Variants in WDFY2 observed in about 807,000 individuals in gnomAD.
WDFY2 encodes WD repeat and FYVE domain containing 2.
WDFY2 carries 36 observed loss-of-function variants against 56.4 expected under a neutral mutation model. That is an observed-to-expected ratio of 0.64 (90% CI 0.49 to 0.84). The LOEUF (loss-of-function observed/expected upper bound fraction) is 0.84, where lower values mean the gene tolerates loss of function less well. WDFY2 is among the 40% of genes least tolerant of loss of function. The pLI is 0.00. For missense variants in WDFY2, 444 were observed against 512.2 expected (o/e 0.87, Z 1.29); for synonymous variants, 176 against 183.7 (o/e 0.96, Z 0.34).
At chr13:51,610,364 A>C (rs1439074693) in intron 1 of WDFY2, among the ~76,000 whole-genome samples, 1 of 152,178 alleles carries the variant, frequency 6.6e-6, no homozygotes, top group Non-Finnish European at 1.5e-5. Flanking sequence ...GTTTAAAGGA[A>C]TAGTAATGAG....
At chr13:51,595,710 C>T (rs563153259) in intron 1 of WDFY2, among the ~76,000 whole-genome samples, 1 of 152,208 alleles carries the variant, frequency 6.6e-6, no homozygotes, top group African/African-American at 2.4e-5. Flanking sequence ...AAAAAGAAAT[C>T]AAAAGATAGC....
At chr13:51,688,818 T>G (rs1036713236) in intron 3 of WDFY2, among the ~76,000 whole-genome samples, 5 of 152,196 alleles carry the variant, frequency 3.3e-5, no homozygotes, top group Non-Finnish European at 5.9e-5. Flanking sequence ...TTTGAGCTAT[T>G]TTTTCTTTTT....
At chr13:51,749,586 A>G (rs1379784209) in intron 7 of WDFY2, among the ~76,000 whole-genome samples, 1 of 152,180 alleles carries the variant, frequency 6.6e-6, no homozygotes, top group Admixed American at 6.5e-5. Context: ...AAATTTCCAT[A>G]GTGACATAAG....
chr13:51,753,695 C>T (rs1419743183), intron 8 of WDFY2, among the ~76,000 whole-genome samples: 2 of 152,076 alleles, frequency 1.3e-5, no homozygotes, highest in African/African-American at 4.8e-5. Context: ...CTCACAGATA[C>T]CCACTGTGAT....
chr13:51,595,308 C>T (rs1409585622), intron 1 of WDFY2, among the ~76,000 whole-genome samples: 1 of 152,182 alleles, frequency 6.6e-6, no homozygotes, highest in African/African-American at 2.4e-5. Context: ...GAAGCTTAGG[C>T]ATTATAAACT....
At chr13:51,691,047 G>GT (rs1411074638) in intron 3 of WDFY2, among the ~76,000 whole-genome samples, 1 of 152,118 alleles carries the variant, frequency 6.6e-6, no homozygotes, top group Non-Finnish European at 1.5e-5. Context: ...GAGGTTGGTT[G>GT]TTTTTTTGTT....
intron 3 of WDFY2, among the ~76,000 whole-genome samples, chr13:51,686,851 C>T (rs964481702): frequency 6.6e-6 from 1 of 151,714 alleles, no homozygotes; most frequent in Non-Finnish European, 1.5e-5. Flanking sequence ...TAGCAATTAG[C>T]CTCTCTTTTT....
intron 1 of WDFY2, among the ~76,000 whole-genome samples, chr13:51,653,987 A>G (rs956540259): frequency 6.6e-6 from 1 of 152,194 alleles, no homozygotes; most frequent in Admixed American, 6.5e-5. Context: ...TTGTTTGGCT[A>G]TGCCCTGCCC....
At chr13:51,621,976 A>G (rs144775470) in intron 1 of WDFY2, among the ~76,000 whole-genome samples, 102 of 152,188 alleles carry the variant, frequency 6.7e-4, no homozygotes, top group African/African-American at 1.6e-3. Flanking sequence ...TTTTTGCTCA[A>G]TGTAGCTTGA....
chr13:51,664,510 C>T (rs1955666328), intron 2 of WDFY2, among the ~76,000 whole-genome samples: 1 of 152,158 alleles, frequency 6.6e-6, no homozygotes, highest in Non-Finnish European at 1.5e-5. Context: ...ACATCTGGCT[C>T]CTGATAAAGA....
chr13:51,757,349 CTT>C (rs1236850849), intron 10 of WDFY2, among the ~76,000 whole-genome samples: 5 of 152,012 alleles, frequency 3.3e-5, no homozygotes, highest in Non-Finnish European at 4.4e-5. Flanking sequence ...AAGACATAGA[CTT>C]TAAGAGTTTA....
intron 4 of WDFY2, among the ~76,000 whole-genome samples, chr13:51,710,287 T>C (rs1450386218): frequency 6.6e-6 from 1 of 152,134 alleles, no homozygotes; most frequent in Non-Finnish European, 1.5e-5. Flanking sequence ...GGGACGTATC[T>C]CAAAATAATA....
intron 7 of WDFY2, among the ~76,000 whole-genome samples, chr13:51,740,425 G>C (rs951120508): frequency 6.6e-6 from 1 of 152,120 alleles, no homozygotes; most frequent in African/African-American, 2.4e-5. Context: ...GAAGAAAAAA[G>C]GAAGCCAGGG....
At chr13:51,722,990 C>G (rs1952524774) in intron 5 of WDFY2, among the ~76,000 whole-genome samples, 1 of 152,116 alleles carries the variant, frequency 6.6e-6, no homozygotes, top group African/African-American at 2.4e-5. Flanking sequence ...GAGATATTTC[C>G]ACAATGTCAC....
intron 3 of WDFY2, among the ~76,000 whole-genome samples, chr13:51,685,677 CA>C (rs997456438): frequency 2.0e-4 from 30 of 152,224 alleles, no homozygotes; most frequent in African/African-American, 6.7e-4. Flanking sequence ...GGGTTGGTTT[CA>C]GGGGTGGCAG....
intron 1 of WDFY2, among the ~76,000 whole-genome samples, chr13:51,637,687 G>C (rs1011763285): frequency 6.6e-6 from 1 of 152,090 alleles, no homozygotes; most frequent in African/African-American, 2.4e-5. Flanking sequence ...AGACAGAGTA[G>C]GGCATTCCTG....
intron 2 of WDFY2, 70 bp downstream of exon 2, chr13:51,660,733 T>TCTCTA: frequency 7.3e-7 from 1 of 1,378,800 alleles, no homozygotes; most frequent in Non-Finnish European, 1.0e-6. Flanking sequence ...TGTATTTTCT[T>TCTCTA]CTTAAGTAGA....
At chr13:51,652,971 G>C (rs1306403362) in intron 1 of WDFY2, among the ~76,000 whole-genome samples, 2 of 152,184 alleles carry the variant, frequency 1.3e-5, no homozygotes, top group Non-Finnish European at 2.9e-5. Context: ...GATTGGGGAA[G>C]TTCTCCTGGA....
intron 3 of WDFY2, among the ~76,000 whole-genome samples, chr13:51,682,053 G>C (rs1021090761): frequency 2.0e-5 from 3 of 152,314 alleles, no homozygotes; most frequent in Admixed American, 6.5e-5. Flanking sequence ...AATTTTCAAA[G>C]GCCCTCTTGA....
Sources: allele counts gnomAD v4.1 joint callset (sites outside exome capture counted in the v4.1 genomes callset), GRCh38; gene constraint gnomAD v4.1.1; transcripts MANE v1.5; gene names NCBI Gene and HGNC (gene_info 2026-07-23, HGNC 2026-07-21).